DNAJC24: variants seen among roughly 807,000 people sequenced by gnomAD.
DNAJC24 encodes the protein DnaJ heat shock protein family (Hsp40) member C24, also known as dnaJ homolog subfamily C member 24.
DNAJC24 carries 17 observed loss-of-function variants against 18.0 expected under a neutral mutation model. The observed-to-expected ratio is 0.94, with a 90% CI of 0.65 to 1.42. The LOEUF is 1.42. DNAJC24 is among the 40% of genes most tolerant of loss of function. DNAJC24 has a pLI of 0.00. For synonymous variants in DNAJC24, 55 were observed against 57.7 expected (o/e 0.95, Z 0.21); for missense variants, 158 against 175.6 (o/e 0.90, Z 0.57).
At chr11:31,397,808 CTT>C (rs113510980) in intron 2 of DNAJC24, among the ~76,000 whole-genome samples, 3 of 144,254 alleles carry the variant, frequency 2.1e-5, no homozygotes, top group Admixed American at 6.9e-5. Flanking sequence ...ATATGTGTTT[CTT>C]TTTTTTTTTT....
At chr11:31,417,807 A>G (rs1471959986) in intron 3 of DNAJC24, among the ~76,000 whole-genome samples, 1 of 152,048 alleles carries the variant, frequency 6.6e-6, no homozygotes, top group Non-Finnish European at 1.5e-5. Context: ...TCTTAAGGAA[A>G]GCCTCATCAA....
chr11:31,393,975 A>G (rs186472785), intron 2 of DNAJC24, among the ~76,000 whole-genome samples: 16 of 152,278 alleles, frequency 1.1e-4, no homozygotes, highest in African/African-American at 3.4e-4. Context: ...GTGATCAATA[A>G]AAGACCTTGT....
intron 2 of DNAJC24, among the ~76,000 whole-genome samples, chr11:31,372,364 GACTA>G (rs1334347209): frequency 7.4e-6 from 1 of 134,852 alleles, no homozygotes; most frequent in East Asian, 1.9e-4. Flanking sequence ...CATTGTGAGA[GACTA>G]ACTGTTTCAT....
rs567982523 is a variant in DNAJC24, at chr11:31,372,868, TGCCAGTAACAACCAAAAATGCC to T, written c.111+2013_111+2034del. 7.9e-4 allele frequency among the ~76,000 whole-genome samples: 107 copies of T among 134,824 alleles called. 11 individuals carry two copies. Among genetic ancestry groups the T allele is most frequent in the African/African-American group, 2.2e-3 (90 of 40,322 alleles). The allele number at this position is 134,824 out of a possible 152,430, so 88.4% of individuals were successfully genotyped here. On this transcript the variant is annotated intron_variant, in intron 2 of 4. Transcript: ENST00000465995. ...GTAAGATGTGTGGCAGGATCCTAGA[TGCCAGTAACAACCAAAAATGCC>T]GCCTGCATGTCAAAATTGCCACATC...
At chr11:31,390,017 AAG>A (rs1207874703) in intron 2 of DNAJC24, among the ~76,000 whole-genome samples, 1 of 152,204 alleles carries the variant, frequency 6.6e-6, no homozygotes, top group Admixed American at 6.5e-5. Flanking sequence ...AAGCAGTACT[AAG>A]AGGGAAGTTT....
At chr11:31,374,217 G>C (rs1952291657) in intron 2 of DNAJC24, 1 of 293,970 alleles carries the variant, frequency 3.4e-6, no homozygotes, top group Admixed American at 3.4e-5. Context: ...TAAGTATGCT[G>C]TTAGGTGTAT....
intron 2 of DNAJC24, among the ~76,000 whole-genome samples, chr11:31,383,342 G>A (rs773512005): frequency 6.6e-6 from 1 of 152,042 alleles, no homozygotes; most frequent in South Asian, 2.1e-4. Flanking sequence ...GGGGCCCCCA[G>A]CCACTAGTCA....
chr11:31,422,620 T>C (rs1952817917), intron 3 of DNAJC24, among the ~76,000 whole-genome samples: 1 of 152,248 alleles, frequency 6.6e-6, no homozygotes, highest in East Asian at 1.9e-4. Flanking sequence ...AAGAGAAAAA[T>C]ATGCAATACT....
At chr11:31,381,964 A>G (rs938789730) in intron 2 of DNAJC24, among the ~76,000 whole-genome samples, 6 of 152,202 alleles carry the variant, frequency 3.9e-5, no homozygotes, top group African/African-American at 1.2e-4. Context: ...TTTTCAAATT[A>G]GTTAAATGTA....
chr11:31,390,557 T>C (rs910380176), intron 2 of DNAJC24, among the ~76,000 whole-genome samples: 1 of 151,126 alleles, frequency 6.6e-6, no homozygotes, highest in Non-Finnish European at 1.5e-5. Context: ...AATACAAAAA[T>C]TAGCTGGGCC....
intron 4 of DNAJC24, among the ~76,000 whole-genome samples, chr11:31,428,772 T>C (rs1035023260): frequency 6.6e-6 from 1 of 152,206 alleles, no homozygotes; most frequent in Non-Finnish European, 1.5e-5. Context: ...TTTAAAATGA[T>C]GATTTCTGTA....
intron 2 of DNAJC24, among the ~76,000 whole-genome samples, chr11:31,407,292 C>T (rs922157534): frequency 6.6e-6 from 1 of 152,110 alleles, no homozygotes; most frequent in Non-Finnish European, 1.5e-5. Flanking sequence ...TGTATCAAAA[C>T]AGCACAATCA....
chr11:31,422,019 A>G (rs573860267), intron 3 of DNAJC24: 2 of 422,684 alleles, frequency 4.7e-6, no homozygotes, highest in East Asian at 1.5e-4. Context: ...CTTAGATCCC[A>G]CTGTTGAGAC....
At chr11:31,370,127 TAG>T (rs1164791973) in intron 1 of DNAJC24, among the ~76,000 whole-genome samples, 5 of 152,288 alleles carry the variant, frequency 3.3e-5, no homozygotes, top group Admixed American at 1.3e-4. Flanking sequence ...CATCCTCGCG[TAG>T]AGAGTTTCAC....
chr11:31,413,589 C>T (rs377352878), intron 2 of DNAJC24, among the ~76,000 whole-genome samples: 4 of 152,148 alleles, frequency 2.6e-5, no homozygotes, highest in African/African-American at 9.6e-5. Flanking sequence ...GCCTTGGCCT[C>T]CCTAAGTGCT....
intron 2 of DNAJC24, among the ~76,000 whole-genome samples, chr11:31,410,399 T>A (rs1486208526): frequency 6.6e-6 from 1 of 152,244 alleles, no homozygotes; most frequent in South Asian, 2.1e-4. Flanking sequence ...TTATCATTGA[T>A]TTATAGGTTT....
At position 31,417,189 on chromosome 11, in the gene DNAJC24, A is replaced by G. The variant is rs370477338; in HGVS notation, c.250+2240A>G. The G allele has an allele frequency of 2.0e-5, 3 of 152,256 alleles. No individual in the cohort carries two copies. In the East Asian group the frequency reaches 5.8e-4, roughly 29 times the overall value. The allele number at this position is 152,256 out of a possible 1,614,324, so 9.4% of individuals were successfully genotyped here. On this transcript the variant is annotated intron_variant, in intron 3 of 4. Coordinates refer to ENST00000465995, the MANE Select transcript of DNAJC24 (RefSeq NM_181706.5). Reference sequence around the variant, plus strand: ...TATTGCCTCTTTTACCAGAGGCTCCAAATACTGACACTACTTTGTTTCAAT... The same window carrying G: ...TATTGCCTCTTTTACCAGAGGCTCCGAATACTGACACTACTTTGTTTCAAT...
chr11:31,381,893 A>C (rs1952380820), intron 2 of DNAJC24, among the ~76,000 whole-genome samples: 1 of 152,188 alleles, frequency 6.6e-6, no homozygotes, highest in African/African-American at 2.4e-5. Context: ...ACATTTAAAA[A>C]TACAAAATAT....
At chr11:31,379,231 CACCTGA>C (rs1419969494) in intron 2 of DNAJC24, among the ~76,000 whole-genome samples, 1 of 152,130 alleles carries the variant, frequency 6.6e-6, no homozygotes, top group Non-Finnish European at 1.5e-5. Flanking sequence ...CGAGTGTTAC[CACCTGA>C]GCTCTGCATC....
Sources: allele counts gnomAD v4.1 joint callset (sites outside exome capture counted in the v4.1 genomes callset), GRCh38; gene constraint gnomAD v4.1.1; transcripts MANE v1.5; gene names NCBI Gene and HGNC (gene_info 2026-07-23, HGNC 2026-07-21).